UPRT: variants seen among roughly 807,000 people sequenced by gnomAD.
UPRT encodes the protein uracil phosphoribosyltransferase homolog.
A neutral mutation model predicts 22.6 loss-of-function variants in UPRT; 5 were observed. That is an observed-to-expected ratio of 0.22 (90% confidence interval 0.12 to 0.47). The LOEUF is 0.47. Among genes scored for constraint, UPRT ranks in the 20% least tolerant of loss-of-function variants. The pLI, the probability that UPRT is intolerant of heterozygous loss-of-function variation, is 0.99. For missense variants in UPRT, 181 were observed against 239.9 expected, an observed-to-expected ratio of 0.75 and a Z score of 1.62; for synonymous variants, 77 against 87.7, an observed-to-expected ratio of 0.88 and a Z score of 0.68.
chrX:75,193,291 A>G (rs1386323407), intron 4 of UPRT, among the ~76,000 whole-genome samples: 1 of 112,326 alleles, frequency 8.9e-6, no homozygotes, highest in Non-Finnish European at 1.9e-5. Context: ...AATATAGACC[A>G]CCAATCTCTT....
At chrX:75,259,868 A>G (rs1213428847) in intron 4 of UPRT, among the ~76,000 whole-genome samples, 1 of 111,832 alleles carries the variant, frequency 8.9e-6, no homozygotes, top group African/African-American at 3.3e-5. Flanking sequence ...AGGTCGAGTT[A>G]CCCACAAAGG....
chrX:75,276,262 T>A (rs1242808614), intron 1 of UPRT, among the ~76,000 whole-genome samples: 1 of 112,092 alleles, frequency 8.9e-6, no homozygotes, highest in African/African-American at 3.2e-5. Flanking sequence ...ATATTGTTAT[T>A]TTTGTATAGA....
At chrX:75,210,664 G>A (rs1214694492) in intron 4 of UPRT, among the ~76,000 whole-genome samples, 1 of 105,728 alleles carries the variant, frequency 9.5e-6, no homozygotes, top group Non-Finnish European at 1.9e-5. Context: ...AGGGGATGGT[G>A]GTGGGAGGGG....
chrX:75,178,935 A>G (rs2082259641), intron 4 of UPRT, among the ~76,000 whole-genome samples: 1 of 111,844 alleles, frequency 8.9e-6, no homozygotes. Flanking sequence ...GCTGATTGGT[A>G]GAGCCAAGTG....
chrX:75,272,736 TA>T (rs201291821), upstream of UPRT, among the ~76,000 whole-genome samples: 96 of 102,702 alleles, frequency 9.3e-4, no homozygotes, highest in South Asian at 5.0e-3. Flanking sequence ...CCTATGGAAA[TA>T]AAAAAAAAAT....
chrX:75,264,036 G>C (rs1433746490), intron 4 of UPRT, among the ~76,000 whole-genome samples: 2 of 111,759 alleles, frequency 1.8e-5, no homozygotes, highest in East Asian at 5.6e-4. Context: ...TTTTGAGTGA[G>C]TTTCTTAATC....
intron 4 of UPRT, among the ~76,000 whole-genome samples, chrX:75,228,513 C>T (rs1251802222): frequency 1.8e-5 from 2 of 112,083 alleles, no homozygotes; most frequent in African/African-American, 6.5e-5. Context: ...TTCACTCCTT[C>T]CTTGCCTTAC....
chrX:75,247,559 G>C (rs1428980589), intron 4 of UPRT, among the ~76,000 whole-genome samples: 1 of 112,345 alleles, frequency 8.9e-6, no homozygotes, highest in Non-Finnish European at 1.9e-5. Context: ...GCCGAGGCTT[G>C]ACTAGGTAAA....
chrX:75,301,733 C>T (rs1490104565), intron 6 of UPRT, among the ~76,000 whole-genome samples: 1 of 111,521 alleles, frequency 9.0e-6, no homozygotes, highest in African/African-American at 3.3e-5. Context: ...ATAAAAATAA[C>T]AGCATTAGAA....
At chrX:75,263,045 A>T (rs766404444) in intron 4 of UPRT, among the ~76,000 whole-genome samples, 1 of 111,925 alleles carries the variant, frequency 8.9e-6, no homozygotes, top group Non-Finnish European at 1.9e-5. Flanking sequence ...AATTGACCAT[A>T]TACTTGGAAG....
At chrX:75,272,332 A>ATATATATATACG (rs1569279471), upstream of UPRT, among the ~76,000 whole-genome samples, 36 of 91,456 alleles carry the variant, frequency 3.9e-4, 1 homozygote, top group African/African-American at 1.5e-3. Context: ...ATATATATGT[A>ATATATATATACG]TATATATATA....
Position 75,303,740 on chromosome X carries a change from A to C in UPRT, c.*229A>C. On this transcript the variant is annotated 3_prime_UTR_variant, in exon 7 of 7. Coordinates refer to ENST00000373383, the MANE Select transcript of UPRT (RefSeq NM_145052.4). ...CTTACAAAACATAAATTTTAATAATATTCTAATGCAAATTACTGAACCCTC... is the reference window on the plus strand; with the variant it reads ...CTTACAAAACATAAATTTTAATAATCTTCTAATGCAAATTACTGAACCCTC... 4.1e-6 allele frequency: 1 copy of C among 244,629 alleles called. No individual in the cohort carries two copies. 20.2% of individuals were successfully genotyped at this position (244,629 alleles called of 1,213,427 possible). A position where few individuals can be genotyped will look rare whatever the true frequency, so the allele number is the denominator to read the frequency against.
intron 4 of UPRT, among the ~76,000 whole-genome samples, chrX:75,265,928 T>A (rs982329751): frequency 2.7e-5 from 3 of 111,026 alleles, no homozygotes; most frequent in Admixed American, 9.7e-5. Flanking sequence ...CACTGCTCAA[T>A]GAAATAAAAG....
chrX:75,169,812 G>A (rs2082221842), intron 4 of UPRT, among the ~76,000 whole-genome samples: 1 of 111,657 alleles, frequency 9.0e-6, no homozygotes, highest in Non-Finnish European at 1.9e-5. Flanking sequence ...TATAGTTTAA[G>A]TCCATTGTTT....
intron 4 of UPRT, among the ~76,000 whole-genome samples, chrX:75,217,077 A>G (rs983671775): frequency 6.2e-5 from 7 of 112,063 alleles, no homozygotes; most frequent in Non-Finnish European, 1.3e-4. Flanking sequence ...TTCAAAAAAA[A>G]GAATTAGGAC....
rs189505244 is a variant in UPRT at position 75,188,537 on chromosome X, G to A, written c.-447+20658G>A. On this transcript the variant is annotated intron_variant, in intron 4 of 13. Transcript: ENST00000652605. ...AGAGGCAGGCAGGCCTCCTTGAGCT[G>A]TGGTGGGCTCCACCCAGTTTGAGCT... 8.3e-3 allele frequency among the ~76,000 whole-genome samples: 932 copies of A among 112,929 alleles called. 11 individuals carry two copies. The highest frequency in any genetic ancestry group is 0.027 in the African/African-American group (854 of 31,137).
At chrX:75,193,352 T>C (rs2082322288) in intron 4 of UPRT, among the ~76,000 whole-genome samples, 1 of 112,110 alleles carries the variant, frequency 8.9e-6, no homozygotes, top group Admixed American at 9.4e-5. Flanking sequence ...CTGATGGCCT[T>C]CCCTTTGTAG....
At chrX:75,187,696 A>T (rs144411528) in intron 4 of UPRT, among the ~76,000 whole-genome samples, 6,122 of 111,437 alleles carry the variant, frequency 0.055, 208 homozygotes, top group South Asian at 0.13. Flanking sequence ...ACATAGTCCC[A>T]TATTTCTTGG....
chrX:75,254,317 A>G (rs1199234699), intron 4 of UPRT, among the ~76,000 whole-genome samples: 1 of 111,968 alleles, frequency 8.9e-6, no homozygotes, highest in Admixed American at 9.5e-5. Context: ...ATAGTCAATG[A>G]AATAGCATAA....
Sources: gnomAD v4.1 joint callset for allele counts (sites outside exome capture counted in the v4.1 genomes callset) on GRCh38, gnomAD v4.1.1 for gene constraint, MANE v1.5 for transcripts, NCBI Gene and HGNC (gene_info 2026-07-23, HGNC 2026-07-21) for gene names.